The following NGLY1 variants were observed in gnomAD, a reference collection of about 807,000 sequenced individuals.
NGLY1 encodes the protein N-glycanase 1, also known as peptide-N(4)-(N-acetyl-beta-glucosaminyl)asparagine amidase.
A neutral mutation model predicts 84.6 loss-of-function variants in NGLY1; 68 were observed. The observed-to-expected ratio is 0.80, with a 90% CI of 0.66 to 0.98. NGLY1 has a LOEUF of 0.98. Ranked by LOEUF, NGLY1 falls within the 50% of genes least tolerant of loss-of-function variation. The probability of loss-of-function intolerance (pLI) is 0.00; values close to 1 mark genes in which losing one functional copy is unlikely to be tolerated. For synonymous variants in NGLY1, 280 were observed against 275.2 expected, an observed-to-expected ratio of 1.02 and a Z score of -0.17; for missense variants, 779 against 770.2, an observed-to-expected ratio of 1.01 and a Z score of -0.14.
intron 10 of NGLY1, among the ~76,000 whole-genome samples, chr3:25,722,608 C>T (rs1705059335): frequency 6.6e-6 from 1 of 152,154 alleles, no homozygotes; most frequent in Non-Finnish European, 1.5e-5. Context: ...TGTTCTTAAA[C>T]TACTCAGAGT....
chr3:25,761,511 A>G (rs1450818026), intron 3 of NGLY1, among the ~76,000 whole-genome samples: 1 of 152,198 alleles, frequency 6.6e-6, no homozygotes, highest in Non-Finnish European at 1.5e-5. Flanking sequence ...ACCAAAATGA[A>G]CTACTACTTA....
At chr3:25,750,151 T>C (rs1706655924) in intron 4 of NGLY1, among the ~76,000 whole-genome samples, 2 of 152,012 alleles carry the variant, frequency 1.3e-5, no homozygotes, top group African/African-American at 4.8e-5. Flanking sequence ...GGAGAGAGAA[T>C]GAGTGCAAGC....
At chr3:25,754,785 G>A (rs111652781) in intron 3 of NGLY1, 2 of 205,868 alleles carry the variant, frequency 9.7e-6, no homozygotes, top group African/African-American at 1.2e-4. Context: ...GAGATGACTC[G>A]TGCTTTTTTT....
intron 2 of NGLY1, among the ~76,000 whole-genome samples, chr3:25,771,857 T>C (rs997412294): frequency 1.3e-5 from 2 of 152,226 alleles, no homozygotes; most frequent in Non-Finnish European, 2.9e-5. Flanking sequence ...GAAATAGTGC[T>C]ACTGATTTGG....
chr3:25,785,807 A>C (rs964718199), upstream of NGLY1, among the ~76,000 whole-genome samples: 1 of 152,256 alleles, frequency 6.6e-6, no homozygotes, highest in African/African-American at 2.4e-5. Flanking sequence ...TGACAGATAG[A>C]ATGGTCATAG....
intron 2 of NGLY1, 111 bp from the exon 3 acceptor site, chr3:25,764,422 T>C: frequency 1.7e-6 from 2 of 1,143,056 alleles, no homozygotes; most frequent in Non-Finnish European, 2.5e-6. Flanking sequence ...AATGCATGTT[T>C]CTAAAATCAT....
chr3:25,774,989 C>G (rs1467815885), intron 2 of NGLY1, among the ~76,000 whole-genome samples: 1 of 152,168 alleles, frequency 6.6e-6, no homozygotes, highest in Admixed American at 6.5e-5. Flanking sequence ...GCTTGTTCTA[C>G]TTTTATATTT....
At chr3:25,787,295 T>C (rs570548339), upstream of NGLY1, among the ~76,000 whole-genome samples, 2 of 152,280 alleles carry the variant, frequency 1.3e-5, no homozygotes, top group South Asian at 4.1e-4. Flanking sequence ...CCTTAAATCA[T>C]GTACAATATC....
chr3:25,752,632 A>T (rs2125517313), intron 3 of NGLY1, among the ~76,000 whole-genome samples: 1 of 150,864 alleles, frequency 6.6e-6, no homozygotes, highest in Non-Finnish European at 1.5e-5. Flanking sequence ...ATACAGCAAG[A>T]TCCTATCTCT....
upstream of NGLY1, chr3:25,784,260 C>A (rs1394402738): frequency 6.6e-6 from 1 of 152,194 alleles, no homozygotes; most frequent in Non-Finnish European, 1.5e-5. Flanking sequence ...TATTTTTAAA[C>A]CATAGGTTGC....
chr3:25,725,054 C>A (rs1322044926), intron 10 of NGLY1, among the ~76,000 whole-genome samples: 1 of 152,122 alleles, frequency 6.6e-6, no homozygotes, highest in Non-Finnish European at 1.5e-5. Context: ...TCATAAAACC[C>A]CTATTTCAGA....
At chr3:25,764,888 A>C (rs1707489411) in intron 2 of NGLY1, among the ~76,000 whole-genome samples, 1 of 152,244 alleles carries the variant, frequency 6.6e-6, no homozygotes, top group Admixed American at 6.5e-5. Context: ...CTGATAGTCA[A>C]TCCAAAACTA....
At chr3:25,755,594 C>A in intron 3 of NGLY1, 1 of 1,465,832 alleles carries the variant, frequency 6.8e-7, no homozygotes, top group Non-Finnish European at 9.5e-7. Context: ...TTCCCATCAA[C>A]ATGGTTTCAT....
intron 2 of NGLY1, among the ~76,000 whole-genome samples, chr3:25,774,720 T>G (rs1291355802): frequency 6.6e-6 from 1 of 152,142 alleles, no homozygotes; most frequent in Non-Finnish European, 1.5e-5. Flanking sequence ...GTCTCCCCAC[T>G]GAGAAAGCAA....
chr3:25,781,375 A>C (rs1575669422), intron 1 of NGLY1, among the ~76,000 whole-genome samples: 1 of 152,162 alleles, frequency 6.6e-6, no homozygotes, highest in Admixed American at 6.5e-5. Context: ...TTTCTTATTA[A>C]GTATGTTGAG....
intron 3 of NGLY1, among the ~76,000 whole-genome samples, chr3:25,759,319 GAA>G (rs759612741): frequency 1.2e-5 from 1 of 82,272 alleles, no homozygotes. Flanking sequence ...TATAGAAACA[GAA>G]AAAAAAAAAA....
chr3:25,777,912 C>CTTCTACAA (rs1468224958), intron 2 of NGLY1: 1 of 152,190 alleles, frequency 6.6e-6, no homozygotes, highest in African/African-American at 2.4e-5. Flanking sequence ...TCTTTAACAA[C>CTTCTACAA]TTCTACAATT....
chr3:25,772,227 C>T (rs1707929731), intron 2 of NGLY1, among the ~76,000 whole-genome samples: 1 of 152,116 alleles, frequency 6.6e-6, no homozygotes, highest in African/African-American at 2.4e-5. Context: ...GCAGACCTGT[C>T]TAGTGCTGTC....
chr3:25,746,346 TCTG>T (rs1168559702), intron 4 of NGLY1, among the ~76,000 whole-genome samples: 2 of 152,032 alleles, frequency 1.3e-5, no homozygotes, highest in Admixed American at 1.3e-4. Context: ...TCACTACTAA[TCTG>T]CTGTGTCATT....
Sources: allele counts gnomAD v4.1 joint callset (sites outside exome capture counted in the v4.1 genomes callset), GRCh38; gene constraint gnomAD v4.1.1; transcripts MANE v1.5; gene names NCBI Gene and HGNC (gene_info 2026-07-23, HGNC 2026-07-21).